The following PBLD variants were observed in gnomAD, a reference collection of about 807,000 sequenced individuals.
The protein encoded by PBLD is phenazine biosynthesis like protein domain containing.
In PBLD, 26 loss-of-function variants were observed where a neutral mutation model predicts 31.3. That is an observed-to-expected ratio of 0.83 (90% CI 0.61 to 1.15). The LOEUF (loss-of-function observed/expected upper bound fraction) is 1.15, where lower values mean the gene tolerates loss of function less well. Among genes scored for constraint, PBLD ranks in the 50% most tolerant of loss-of-function variants. PBLD has a pLI of 0.00. For missense variants in PBLD, 307 were observed against 351.7 expected (o/e 0.87, Z 1.02); for synonymous variants, 114 against 129.0 (o/e 0.88, Z 0.79).
intron 4 of PBLD, among the ~76,000 whole-genome samples, chr10:68,293,587 A>G (rs1390510566): frequency 6.6e-6 from 1 of 152,226 alleles, no homozygotes; most frequent in East Asian, 1.9e-4. Context: ...TGCATAAGAC[A>G]TTATTTACAA....
At chr10:68,323,824 A>C (rs1182910590) in intron 1 of PBLD, among the ~76,000 whole-genome samples, 1 of 152,166 alleles carries the variant, frequency 6.6e-6, no homozygotes, top group East Asian at 1.9e-4. Flanking sequence ...ATAAATTCTC[A>C]TTCTAGTTTT....
intron 1 of PBLD, among the ~76,000 whole-genome samples, chr10:68,316,684 C>T (rs1381862463): frequency 1.3e-5 from 2 of 152,124 alleles, no homozygotes; most frequent in Admixed American, 6.6e-5. Context: ...AAGAGACAAA[C>T]ACCTAGACAC....
At chr10:68,316,602 A>G (rs1367769793) in intron 1 of PBLD, among the ~76,000 whole-genome samples, 1 of 152,262 alleles carries the variant, frequency 6.6e-6, no homozygotes, top group Non-Finnish European at 1.5e-5. Flanking sequence ...AAAACTTATC[A>G]TATTTGATGA....
rs774169525 is a variant in PBLD, at chr10:68,284,295, G to A, written c.755-6C>T. 1.1e-5 allele frequency: 17 copies of A among 1,605,248 alleles called. No homozygotes were observed. The highest frequency in any genetic ancestry group is 2.7e-5 in the African/African-American group (2 of 74,658). On this transcript the variant is annotated splice_region_variant and splice_polypyrimidine_tract_variant and intron_variant, in intron 9 of 9. Coordinates refer to ENST00000358769, the MANE Select transcript of PBLD (RefSeq NM_022129.4). ...TCGGTGGGAACACTGAAAAGCTAAA[G>A]AAAACAAACAGGTCAAATTAAGAGT...
chr10:68,285,185 T>C lies in PBLD; in HGVS notation c.754+163A>G, dbSNP rs1196231594. The C allele has an allele frequency of 2.7e-6, 4 of 1,469,732 alleles. No individual in the cohort carries two copies. The East Asian group carries it at 1.0e-4, about 37-fold the overall frequency. 91.0% of individuals were successfully genotyped at this position (1,469,732 alleles called of 1,614,324 possible). A position where few individuals can be genotyped will look rare whatever the true frequency, so the allele number is the denominator to read the frequency against. ...GGGGGAGGCAGAGGTGAAGGCTGTT[T>C]GGGGTGGAGGATCTTTAAGGGTGAA... On this transcript the variant is annotated intron_variant, in intron 9 of 9. Coordinates refer to ENST00000358769, the MANE Select transcript of PBLD (RefSeq NM_022129.4).
intron 2 of PBLD, among the ~76,000 whole-genome samples, chr10:68,302,548 C>CT (rs2044517975): frequency 6.6e-6 from 1 of 152,088 alleles, no homozygotes; most frequent in Admixed American, 6.6e-5. Context: ...AACTTGTAAA[C>CT]TAAAATTGAC....
rs1460424809 is a variant in PBLD at position 68,292,218 on chromosome 10, T to G, written c.304A>C (p.Thr102Pro). ...HKIKNMNSTL[T>P]FVTLSGELRA... is the part of the protein sequence containing the mutation. ...AGTTCTCCACTCAGAGTGACAAACG[T>G]GAGCGTGCTATTCATGTTTTCTGGC... The change falls in exon 5 of 10, where the codon ACG becomes CCG. Residue 102 changes from threonine (T) to proline (P), a missense_variant. Thr to Pro is a conservative substitution (Grantham distance 38). Transcript: ENST00000358769. The G allele has an allele frequency of 6.2e-7, 1 of 1,613,630 alleles. No homozygotes were observed. Among genetic ancestry groups the G allele is most frequent in the East Asian group, 2.2e-5 (1 of 44,880 alleles).
chr10:68,301,503 C>T (rs956728338), intron 2 of PBLD, among the ~76,000 whole-genome samples: 1 of 152,150 alleles, frequency 6.6e-6, no homozygotes, highest in African/African-American at 2.4e-5. Context: ...ATTTAAGCCC[C>T]TTAGTGCAGA....
chr10:68,318,288 C>T (rs1271002970), intron 1 of PBLD, among the ~76,000 whole-genome samples: 1 of 150,352 alleles, frequency 6.7e-6, no homozygotes, highest in Admixed American at 6.7e-5. Context: ...GCCCATAATC[C>T]CAGCCCTTTG....
At chr10:68,319,370 G>A (rs970254293) in intron 1 of PBLD, among the ~76,000 whole-genome samples, 5 of 152,092 alleles carry the variant, frequency 3.3e-5, no homozygotes, top group African/African-American at 7.2e-5. Flanking sequence ...GGCAAAGATC[G>A]GTAGAATGGA....
chr10:68,305,895 G>A (rs1484474384), intron 2 of PBLD, among the ~76,000 whole-genome samples: 1 of 152,064 alleles, frequency 6.6e-6, no homozygotes, highest in East Asian at 1.9e-4. Context: ...GTCCCTGAAG[G>A]CCCCAACACA....
At chr10:68,332,607 G>A (rs547729853) in intron 1 of PBLD, among the ~76,000 whole-genome samples, 177 bp downstream of exon 1, 1 of 152,322 alleles carries the variant, frequency 6.6e-6, no homozygotes, top group South Asian at 2.1e-4. Flanking sequence ...CCAGGGGAGG[G>A]GGTGGTCAAA....
chr10:68,286,054 T>C (rs1212295066), intron 8 of PBLD, among the ~76,000 whole-genome samples: 1 of 151,186 alleles, frequency 6.6e-6, no homozygotes, highest in Non-Finnish European at 1.5e-5. Flanking sequence ...TTCTTAGCCC[T>C]TGGTAGGAGA....
chr10:68,284,380 C>G, intron 9 of PBLD, 91 bp from the exon 10 acceptor site: 1 of 1,079,358 alleles, frequency 9.3e-7, no homozygotes, highest in Non-Finnish European at 1.4e-6. Context: ...TCTTAGAGTC[C>G]TCCCAGATCA....
chr10:68,302,275 G>A (rs546758779), intron 2 of PBLD, among the ~76,000 whole-genome samples: 1 of 152,312 alleles, frequency 6.6e-6, no homozygotes, highest in African/African-American at 2.4e-5. Context: ...ACAGAGTGAT[G>A]TTTGCCTTTC....
intron 1 of PBLD, among the ~76,000 whole-genome samples, chr10:68,325,350 G>A (rs889170047): frequency 6.6e-6 from 1 of 152,058 alleles, no homozygotes. Flanking sequence ...GATCACTTGA[G>A]GTGAGGAGTT....
chr10:68,292,962 G>A (rs1472939752), intron 4 of PBLD, among the ~76,000 whole-genome samples: 2 of 152,306 alleles, frequency 1.3e-5, no homozygotes, highest in East Asian at 3.9e-4. Flanking sequence ...CTGAGCTCAA[G>A]CAATCCTCCC....
chr10:68,319,047 A>G (rs372182194), intron 1 of PBLD, among the ~76,000 whole-genome samples: 55 of 111,340 alleles, frequency 4.9e-4, no homozygotes, highest in African/African-American at 1.0e-3. Context: ...GAAAGAAAGA[A>G]AGAGAGAGAA....
rs955729997 is a variant in PBLD at position 68,283,440 on chromosome 10, G to A, written c.*737C>T. 2.0e-5 allele frequency: 3 copies of A among 151,888 alleles called. No individual in the cohort carries two copies. The highest frequency in any genetic ancestry group is 4.4e-5 in the Non-Finnish European group (3 of 67,990). 9.4% of individuals were successfully genotyped at this position (151,888 alleles called of 1,614,324 possible). On this transcript the variant is annotated 3_prime_UTR_variant, in exon 10 of 10. Coordinates refer to ENST00000358769, the MANE Select transcript of PBLD (RefSeq NM_022129.4). The stretch of plus-strand genomic sequence containing the variant: ...AGCATAACACTGCTAACACTTTATG[G>A]CCTACTGTCCTCTTTCTTAGTATTA...
Sources: gnomAD v4.1 joint callset for allele counts (sites outside exome capture counted in the v4.1 genomes callset) on GRCh38, gnomAD v4.1.1 for gene constraint, MANE v1.5 for transcripts, NCBI Gene and HGNC (gene_info 2026-07-23, HGNC 2026-07-21) for gene names.